The following GAS7 variants were observed in gnomAD, a reference collection of about 807,000 sequenced individuals.
The protein encoded by GAS7 is growth arrest specific 7.
Under a neutral mutation model 71.1 loss-of-function variants are expected in GAS7, and 28 were observed. The observed-to-expected ratio is 0.39, with a 90% CI of 0.29 to 0.54. The LOEUF is 0.54. Ranked by LOEUF, GAS7 falls within the 20% of genes least tolerant of loss-of-function variation. GAS7 has a pLI of 0.62. For missense variants in GAS7, 436 were observed against 627.8 expected (o/e 0.69, Z 3.27); for synonymous variants, 258 against 245.8 (o/e 1.05, Z -0.46).
intron 1 of GAS7, among the ~76,000 whole-genome samples, chr17:10,126,224 C>T (rs1473545904): frequency 1.3e-5 from 2 of 151,890 alleles, no homozygotes; most frequent in Admixed American, 6.5e-5. Flanking sequence ...TAATCCTGTC[C>T]GTTCTCCTGG....
At chr17:10,051,040 G>A (rs2073054995) in intron 1 of GAS7, among the ~76,000 whole-genome samples, 1 of 152,156 alleles carries the variant, frequency 6.6e-6, no homozygotes. Context: ...CTTCAGCCAA[G>A]CAGAGAGGAA....
chr17:10,126,169 G>T (rs948761271), intron 1 of GAS7, among the ~76,000 whole-genome samples: 1 of 152,210 alleles, frequency 6.6e-6, no homozygotes, highest in African/African-American at 2.4e-5. Context: ...AAGGGGAAGG[G>T]TTAAATGGGG....
At chr17:10,179,189 C>A (rs779490450) in intron 1 of GAS7, among the ~76,000 whole-genome samples, 1 of 151,916 alleles carries the variant, frequency 6.6e-6, no homozygotes, top group Non-Finnish European at 1.5e-5. Flanking sequence ...ATTAGCCGGG[C>A]GTGGTGGTGC....
At chr17:9,950,633 G>A (rs888516558) in intron 5 of GAS7, among the ~76,000 whole-genome samples, 3 of 151,954 alleles carry the variant, frequency 2.0e-5, no homozygotes, top group Non-Finnish European at 4.4e-5. Context: ...CCAGGTGTGC[G>A]GATCACAAGG....
intron 1 of GAS7, among the ~76,000 whole-genome samples, chr17:10,138,288 GC>G (rs1297970245): frequency 6.6e-6 from 1 of 152,102 alleles, no homozygotes; most frequent in Non-Finnish European, 1.5e-5. Flanking sequence ...AGATGTGAAG[GC>G]ACTTAAATAA....
At chr17:9,925,167 T>C (rs760873683) in intron 11 of GAS7, among the ~76,000 whole-genome samples, 1 of 143,134 alleles carries the variant, frequency 7.0e-6, no homozygotes. Context: ...TGGTCAGAGA[T>C]CTGGGGCTTG....
Position 10,198,313 on chromosome 17 carries a change from G to T in GAS7, c.78C>A (p.Gly26=). 3 of 1,602,592 alleles carry T rather than the reference G, an allele frequency of 1.9e-6. No homozygotes were observed. The highest frequency in any genetic ancestry group is 2.5e-6 in the Non-Finnish European group (3 of 1,179,288). The part of the protein sequence containing the change: ...RHGQGLRFAA[G]ELITLLQVPD... ...GGACCTGCAGCAGCGTGATCAGCTC[G>T]CCCGCGGCGAAGCGCAGCCCCTGGC... The change falls in exon 1 of 14, where the codon GGC becomes GGA. Residue 26 remains glycine (G), a synonymous_variant. Coordinates refer to ENST00000432992, the MANE Select transcript of GAS7 (RefSeq NM_201433.2).
intron 1 of GAS7, among the ~76,000 whole-genome samples, chr17:10,028,549 A>C (rs1007823057): frequency 6.6e-6 from 1 of 152,210 alleles, no homozygotes; most frequent in African/African-American, 2.4e-5. Context: ...ACTTCTCATC[A>C]GGATCTCACA....
chr17:10,151,378 C>A (rs115038623), intron 1 of GAS7, among the ~76,000 whole-genome samples: 1 of 151,586 alleles, frequency 6.6e-6, no homozygotes, highest in Admixed American at 6.6e-5. Context: ...TCAGATGAAG[C>A]CTCTTTTAAG....
intron 2 of GAS7, among the ~76,000 whole-genome samples, chr17:9,990,480 C>G (rs2070800126): frequency 6.6e-6 from 1 of 152,014 alleles, no homozygotes; most frequent in South Asian, 2.1e-4. Context: ...TCAGGGACCA[C>G]CCAGGAGGGA....
At chr17:10,064,507 C>T (rs1195171965) in intron 1 of GAS7, among the ~76,000 whole-genome samples, 2 of 152,208 alleles carry the variant, frequency 1.3e-5, no homozygotes. Flanking sequence ...TAGCACGTGC[C>T]CTCTCCCCAA....
intron 2 of GAS7, among the ~76,000 whole-genome samples, chr17:9,995,755 C>T (rs2071017762): frequency 6.6e-6 from 1 of 152,120 alleles, no homozygotes; most frequent in Non-Finnish European, 1.5e-5. Context: ...TGTCTTTTGA[C>T]CTAACAATAG....
chr17:10,075,585 A>C (rs1352792497), intron 1 of GAS7, among the ~76,000 whole-genome samples: 4 of 152,040 alleles, frequency 2.6e-5, no homozygotes, highest in Non-Finnish European at 5.9e-5. Context: ...ACTTGAGCTG[A>C]GGAGTTCAAT....
intron 1 of GAS7, among the ~76,000 whole-genome samples, chr17:10,149,740 A>G (rs72809396): frequency 0.055 from 8,346 of 152,306 alleles, 311 homozygotes; most frequent in South Asian, 0.11. Flanking sequence ...GCATATCGGG[A>G]TAATGGAATA....
At chr17:9,965,296 G>C (rs943554367) in intron 4 of GAS7, among the ~76,000 whole-genome samples, 3 of 137,980 alleles carry the variant, frequency 2.2e-5, no homozygotes, top group Non-Finnish European at 4.8e-5. Flanking sequence ...ATAGACTAAA[G>C]AAAATGTGGC....
chr17:10,077,431 A>G (rs534063164), intron 1 of GAS7, among the ~76,000 whole-genome samples: 81 of 152,362 alleles, frequency 5.3e-4, no homozygotes, highest in South Asian at 2.3e-3. Flanking sequence ...CTTAGCATAG[A>G]TGAGTGAACA....
At chr17:9,922,157 T>C (rs2067839334) in intron 11 of GAS7, among the ~76,000 whole-genome samples, 1 of 151,806 alleles carries the variant, frequency 6.6e-6, no homozygotes, top group African/African-American at 2.4e-5. Context: ...GAGATGGGCG[T>C]AGAGAGCCAA....
chr17:10,077,587 C>T (rs1019195532), intron 1 of GAS7, among the ~76,000 whole-genome samples: 1 of 152,166 alleles, frequency 6.6e-6, no homozygotes, highest in African/African-American at 2.4e-5. Context: ...GATTCCTCCA[C>T]ACCCTCAGCA....
chr17:10,073,480 A>C (rs569800781), intron 1 of GAS7, among the ~76,000 whole-genome samples: 11 of 150,638 alleles, frequency 7.3e-5, no homozygotes, highest in African/African-American at 2.4e-4. Context: ...AGCAGGTGAC[A>C]ATCTACACCT....
Sources: allele counts gnomAD v4.1 joint callset (sites outside exome capture counted in the v4.1 genomes callset), GRCh38; gene constraint gnomAD v4.1.1; transcripts MANE v1.5; gene names NCBI Gene and HGNC (gene_info 2026-07-23, HGNC 2026-07-21).